The following ZBTB20 variants were observed in gnomAD, a reference collection of about 807,000 sequenced individuals.
The protein encoded by ZBTB20 is zinc finger and BTB domain-containing protein 20.
A neutral mutation model predicts 56.9 loss-of-function variants in ZBTB20; 9 were observed. The observed-to-expected ratio is 0.16, with a 90% CI of 0.10 to 0.28. ZBTB20 has a LOEUF of 0.28. Among genes scored for constraint, ZBTB20 ranks in the 10% least tolerant of loss-of-function variants. The pLI is 1.00. For missense variants in ZBTB20, 655 were observed against 1,003.0 expected, an observed-to-expected ratio of 0.65 and a Z score of 4.69; for synonymous variants, 417 against 420.7, an observed-to-expected ratio of 0.99 and a Z score of 0.11.
At chr3:114,968,179 T>C (rs1372841940) in intron 3 of ZBTB20, among the ~76,000 whole-genome samples, 1 of 152,164 alleles carries the variant, frequency 6.6e-6, no homozygotes, top group Non-Finnish European at 1.5e-5. Flanking sequence ...TTTCCACATT[T>C]ATTCCAAAAA....
At chr3:114,966,395 T>G (rs951139009) in intron 3 of ZBTB20, among the ~76,000 whole-genome samples, 2 of 152,286 alleles carry the variant, frequency 1.3e-5, no homozygotes, top group South Asian at 4.1e-4. Context: ...AAAAAAGTTT[T>G]AATATTTTCT....
intron 6 of ZBTB20, among the ~76,000 whole-genome samples, chr3:114,666,123 T>A (rs1009332037): frequency 2.6e-5 from 4 of 151,996 alleles, no homozygotes; most frequent in Non-Finnish European, 5.9e-5. Flanking sequence ...TCTATCTCCT[T>A]TCTCATCCGT....
intron 3 of ZBTB20, among the ~76,000 whole-genome samples, chr3:114,947,062 C>T (rs946745866): frequency 6.9e-6 from 1 of 145,212 alleles, no homozygotes; most frequent in Non-Finnish European, 1.5e-5. Context: ...AAAAAAAAAG[C>T]TCAACATCAC....
intron 2 of ZBTB20, among the ~76,000 whole-genome samples, chr3:114,997,739 T>C (rs1393803805): frequency 2.6e-5 from 4 of 151,732 alleles, no homozygotes. Context: ...TTTTAAGTGG[T>C]AGGTTAATTT....
rs199991118 is a variant in ZBTB20 at position 114,495,698 on chromosome 3, G to A, written c.-255+4654C>T. On this transcript the variant is annotated intron_variant, in intron 7 of 11. Transcript: ENST00000675478. ...GATTCTCTGAATGAGTCAAAAGATT[G>A]AAAAAAAAATAGCCACTCTTATCAC... Among the ~76,000 whole-genome samples, 114 of 148,006 alleles carry A rather than the reference G, an allele frequency of 7.7e-4. 3 individuals are homozygous for A. The highest frequency in any genetic ancestry group is 2.5e-4 in the Non-Finnish European group (17 of 66,918).
intron 4 of ZBTB20, among the ~76,000 whole-genome samples, chr3:114,816,960 C>A (rs757138252): frequency 6.6e-6 from 1 of 151,296 alleles, no homozygotes. Flanking sequence ...GTTTCCAAGA[C>A]AATAAAAAAA....
chr3:114,401,434 A>T (rs1322180700), intron 7 of ZBTB20, among the ~76,000 whole-genome samples: 1 of 152,120 alleles, frequency 6.6e-6, no homozygotes, highest in South Asian at 2.1e-4. Flanking sequence ...AGCTTGTACC[A>T]ACTAGCTTCA....
intron 3 of ZBTB20, among the ~76,000 whole-genome samples, chr3:114,909,198 T>C (rs2107700432): frequency 6.6e-6 from 1 of 152,050 alleles, no homozygotes; most frequent in East Asian, 1.9e-4. Context: ...AGGACAGTGA[T>C]ATGGATGATC....
intron 7 of ZBTB20, among the ~76,000 whole-genome samples, chr3:114,476,088 A>G (rs1017792703): frequency 2.6e-5 from 4 of 152,230 alleles, no homozygotes; most frequent in African/African-American, 7.2e-5. Context: ...GGATTATACC[A>G]TATGTATTAC....
intron 1 of ZBTB20, among the ~76,000 whole-genome samples, chr3:115,085,439 G>A (rs903576855): frequency 3.3e-5 from 5 of 151,834 alleles, no homozygotes; most frequent in Non-Finnish European, 7.4e-5. Context: ...AGGCCACCAG[G>A]GAACCTAACT....
chr3:114,466,781 T>C (rs1331419105), intron 7 of ZBTB20, among the ~76,000 whole-genome samples: 1 of 152,156 alleles, frequency 6.6e-6, no homozygotes, highest in African/African-American at 2.4e-5. Context: ...GGACCTAAGC[T>C]CTAGAAAGTA....
At chr3:114,471,405 G>C (rs1442584331) in intron 7 of ZBTB20, among the ~76,000 whole-genome samples, 1 of 152,070 alleles carries the variant, frequency 6.6e-6, no homozygotes, top group Admixed American at 6.6e-5. Context: ...CCAGAATATG[G>C]GAACAAAATC....
chr3:114,470,659 T>C (rs2040021395), intron 7 of ZBTB20, among the ~76,000 whole-genome samples: 1 of 152,126 alleles, frequency 6.6e-6, no homozygotes, highest in African/African-American at 2.4e-5. Flanking sequence ...ACCAAGGTGA[T>C]TTAGTTAGTG....
intron 4 of ZBTB20, among the ~76,000 whole-genome samples, chr3:114,805,689 T>C (rs750315973): frequency 1.3e-5 from 2 of 151,884 alleles, no homozygotes; most frequent in Non-Finnish European, 2.9e-5. Context: ...TTTAGAGTTG[T>C]ATAACCATCA....
chr3:114,809,538 T>C (rs913032978), intron 4 of ZBTB20, among the ~76,000 whole-genome samples: 2 of 152,166 alleles, frequency 1.3e-5, no homozygotes, highest in African/African-American at 4.8e-5. Context: ...CTTATGTTTA[T>C]ATTGATACTC....
At chr3:114,939,943 G>A (rs1291569934) in intron 3 of ZBTB20, among the ~76,000 whole-genome samples, 1 of 146,096 alleles carries the variant, frequency 6.8e-6, no homozygotes, top group Non-Finnish European at 1.5e-5. Context: ...AAAGGAAAAG[G>A]GAATGTTTTT....
At chr3:114,901,937 G>C (rs2107672670) in intron 3 of ZBTB20, among the ~76,000 whole-genome samples, 1 of 152,006 alleles carries the variant, frequency 6.6e-6, no homozygotes, top group South Asian at 2.1e-4. Flanking sequence ...TCTACAATAA[G>C]CATGACTTTT....
rs1367011466 is a variant in ZBTB20 at position 114,323,493 on chromosome 3, A to G, written c.*15512T>C. 5.9e-5 allele frequency: 9 copies of G among 152,212 alleles called. No homozygotes were observed. Among genetic ancestry groups the G allele is most frequent in the African/African-American group, 1.7e-4 (7 of 41,448 alleles). The allele number at this position is 152,212 out of a possible 1,614,324, so 9.4% of individuals were successfully genotyped here. ...ATAATCAGGCTGAAAAGTAATTCCA[A>G]TATGGACAAGGCTATGTGTTTTTGA... is the stretch of plus-strand genomic sequence containing the variant. On this transcript the variant is annotated 3_prime_UTR_variant, in exon 12 of 12. Transcript: ENST00000675478.
chr3:114,671,595 ATT>A (rs570351481), intron 6 of ZBTB20, among the ~76,000 whole-genome samples: 1 of 145,716 alleles, frequency 6.9e-6, no homozygotes. Flanking sequence ...AATAAATGCC[ATT>A]TTTTTTTTTT....
Sources: gnomAD v4.1 joint callset for allele counts (sites outside exome capture counted in the v4.1 genomes callset) on GRCh38, gnomAD v4.1.1 for gene constraint, MANE v1.5 for transcripts, NCBI Gene and HGNC (gene_info 2026-07-23, HGNC 2026-07-21) for gene names.